The following UBN2 variants were observed in gnomAD, a reference collection of about 807,000 sequenced individuals.
UBN2 encodes the protein ubinuclein 2.
In UBN2, 35 loss-of-function variants were observed where a neutral mutation model predicts 120.2. The observed-to-expected ratio is 0.29, with a 90% CI of 0.22 to 0.39. UBN2 has a LOEUF of 0.39. Ranked by LOEUF, UBN2 falls within the 10% of genes least tolerant of loss-of-function variation. The pLI is 1.00. For synonymous variants in UBN2, 661 were observed against 648.7 expected (o/e 1.02, Z -0.29); for missense variants, 1,693 against 1,663.2 (o/e 1.02, Z -0.31).
intron 1 of UBN2, among the ~76,000 whole-genome samples, chr7:139,235,025 A>G (rs1796126646): frequency 6.6e-6 from 1 of 152,200 alleles, no homozygotes; most frequent in African/African-American, 2.4e-5. Flanking sequence ...TGTGAAAGAA[A>G]AGTGAGTCCA....
intron 2 of UBN2, among the ~76,000 whole-genome samples, chr7:139,241,570 T>G (rs1226264854): frequency 6.6e-6 from 1 of 152,220 alleles, no homozygotes; most frequent in Non-Finnish European, 1.5e-5. Flanking sequence ...GATTTGATAG[T>G]AGAAAAGTAA....
At chr7:139,247,317 TAGTA>T (rs1796497912) in intron 2 of UBN2, among the ~76,000 whole-genome samples, 2 of 151,996 alleles carry the variant, frequency 1.3e-5, no homozygotes, top group Non-Finnish European at 2.9e-5. Flanking sequence ...GCAGAAAAAA[TAGTA>T]AGGATGAACA....
intron 17 of UBN2, among the ~76,000 whole-genome samples, chr7:139,294,311 G>T (rs1798048643): frequency 6.6e-6 from 1 of 152,176 alleles, no homozygotes; most frequent in African/African-American, 2.4e-5. Flanking sequence ...CCCCAGTCTT[G>T]TGACAGCTTA....
intron 11 of UBN2, among the ~76,000 whole-genome samples, chr7:139,275,289 A>G (rs1797408797): frequency 6.7e-6 from 1 of 149,254 alleles, no homozygotes; most frequent in East Asian, 2.0e-4. Flanking sequence ...AAAAAAAAAA[A>G]AAAAAAAAAA....
chr7:139,266,510 C>T (rs749978488), intron 7 of UBN2, 107 bp downstream of exon 7: 34 of 594,238 alleles, frequency 5.7e-5, no homozygotes, highest in Non-Finnish European at 9.6e-5. Context: ...TGAGTTCTTC[C>T]CCTTAAGCCT....
chr7:139,328,120 A>C, the UBN2 span, among the ~76,000 whole-genome samples: 1 of 152,304 alleles, frequency 6.6e-6, no homozygotes, highest in Admixed American at 6.5e-5. Context: ...GTATTAGTCT[A>C]TTTTCACACT....
At chr7:139,278,630 CAT>C (rs1323788790) in intron 12 of UBN2, among the ~76,000 whole-genome samples, 6 of 150,720 alleles carry the variant, frequency 4.0e-5, no homozygotes, top group Admixed American at 2.0e-4. Context: ...AAAAAAAAAA[CAT>C]AGAAAATTAC....
chr7:139,262,485 T>C (rs1015159512), intron 6 of UBN2, among the ~76,000 whole-genome samples: 1 of 152,022 alleles, frequency 6.6e-6, no homozygotes, highest in African/African-American at 2.4e-5. Flanking sequence ...CCAAGGTGGG[T>C]GAACCACTTG....
At chr7:139,292,294 A>T (rs1797984261) in intron 15 of UBN2, among the ~76,000 whole-genome samples, 1 of 152,162 alleles carries the variant, frequency 6.6e-6, no homozygotes, top group Non-Finnish European at 1.5e-5. Flanking sequence ...AATATATTTA[A>T]GTAAGTTCTC....
intron 3 of UBN2, 146 bp downstream of exon 3, chr7:139,252,203 C>CTTTT (rs35028623): frequency 4.5e-6 from 2 of 443,842 alleles, no homozygotes; most frequent in Non-Finnish European, 3.8e-6. Flanking sequence ...TTTCTTTACC[C>CTTTT]TTTTTTTTTT....
intron 2 of UBN2, among the ~76,000 whole-genome samples, chr7:139,243,192 A>G (rs998018856): frequency 3.3e-5 from 5 of 152,236 alleles, no homozygotes; most frequent in South Asian, 2.1e-4. Flanking sequence ...GCAAGTACTA[A>G]TGACTCAGTA....
chr7:139,268,300 T>C (rs894559446), intron 7 of UBN2, among the ~76,000 whole-genome samples: 6 of 152,232 alleles, frequency 3.9e-5, no homozygotes, highest in African/African-American at 1.4e-4. Context: ...GAATTTTTTT[T>C]TTCCCTTTTA....
intron 6 of UBN2, among the ~76,000 whole-genome samples, chr7:139,263,102 A>G (rs1461064150): frequency 1.3e-5 from 2 of 152,210 alleles, no homozygotes; most frequent in African/African-American, 4.8e-5. Context: ...AAAATGAGAC[A>G]TCTCTTTCTG....
At chr7:139,238,726 G>A (rs901735955) in intron 2 of UBN2, among the ~76,000 whole-genome samples, 1 of 152,130 alleles carries the variant, frequency 6.6e-6, no homozygotes, top group Admixed American at 6.5e-5. Flanking sequence ...CTGGCCAAGG[G>A]TACAGTTTTC....
chr7:139,314,847 G>A, the UBN2 span, among the ~76,000 whole-genome samples: 1 of 151,758 alleles, frequency 6.6e-6, no homozygotes, highest in East Asian at 1.9e-4. Context: ...GCCTTGTTTC[G>A]ATGCATCATC....
intron 3 of UBN2, among the ~76,000 whole-genome samples, chr7:139,254,804 T>A (rs535921782): frequency 6.6e-6 from 1 of 152,310 alleles, no homozygotes; most frequent in East Asian, 1.9e-4. Flanking sequence ...TTAGAGCAGT[T>A]TTAGAGTCAC....
At chr7:139,240,051 T>A (rs1210383130) in intron 2 of UBN2, among the ~76,000 whole-genome samples, 1 of 152,178 alleles carries the variant, frequency 6.6e-6, no homozygotes, top group African/African-American at 2.4e-5. Flanking sequence ...CTGAAGAAGT[T>A]GTTTGATGCG....
the UBN2 span, among the ~76,000 whole-genome samples, chr7:139,323,973 T>C: frequency 6.6e-6 from 1 of 151,804 alleles, no homozygotes. Context: ...TCAACAGGGG[T>C]TTCCTGCATT....
At chr7:139,248,027 C>G (rs1415467377) in intron 2 of UBN2, among the ~76,000 whole-genome samples, 1 of 152,128 alleles carries the variant, frequency 6.6e-6, no homozygotes, top group Non-Finnish European at 1.5e-5. Flanking sequence ...TGAAGGCTGG[C>G]ACATGGTAAG....
Sources: allele counts gnomAD v4.1 joint callset (sites outside exome capture counted in the v4.1 genomes callset), GRCh38; gene constraint gnomAD v4.1.1; transcripts MANE v1.5; gene names NCBI Gene and HGNC (gene_info 2026-07-23, HGNC 2026-07-21).